Variants in PLAGL2 observed in about 807,000 individuals in gnomAD.
PLAGL2 encodes zinc finger protein PLAGL2.
In PLAGL2, 7 loss-of-function variants were observed where a neutral mutation model predicts 29.0. That is an observed-to-expected ratio of 0.24 (90% CI 0.14 to 0.45). The LOEUF is 0.45. PLAGL2 is among the 20% of genes least tolerant of loss of function. The pLI is 0.99. For synonymous variants in PLAGL2, 234 were observed against 266.0 expected (o/e 0.88, Z 1.17); for missense variants, 454 against 648.2 (o/e 0.70, Z 3.25).
rs2047297980 is a variant in PLAGL2, at chr20:32,207,717, C to T, written c.-191G>A. On this transcript the variant is annotated 5_prime_UTR_variant, in exon 1 of 3. Coordinates refer to ENST00000246229, the MANE Select transcript of PLAGL2 (RefSeq NM_002657.3). ...CCCCCTCAGGCCCCGGTAGTGGCGG[C>T]GGTCGGGCCATTGTGCGGTGCATTG... is the stretch of plus-strand genomic sequence containing the variant. 9.5e-6 allele frequency: 3 copies of T among 317,432 alleles called. No individual in the cohort carries two copies. The highest frequency in any genetic ancestry group is 1.5e-4 in the East Asian group (2 of 13,672). 19.7% of individuals were successfully genotyped at this position (317,432 alleles called of 1,614,324 possible).
chr20:32,200,595 CTTTTT>C (rs1226257403), intron 2 of PLAGL2, among the ~76,000 whole-genome samples: 1 of 150,212 alleles, frequency 6.7e-6, no homozygotes, highest in Admixed American at 6.6e-5. Flanking sequence ...CAAAATTGCT[CTTTTT>C]TGTTTTTTTT....
At position 32,197,628 on chromosome 20, in the gene PLAGL2, C is replaced by T; in HGVS notation, c.315G>A (p.Lys105=). 3.1e-6 allele frequency: 5 copies of T among 1,614,146 alleles called. No individual in the cohort carries two copies. The highest frequency in any genetic ancestry group is 3.4e-6 in the Non-Finnish European group (4 of 1,180,010). ...QKPHQCMYCD[K]MFHRKDHLRN... ...GCAGATGGTCCTTGCGGTGAAACAT[C>T]TTATCACAGTACATACACTGGTGGG... The change falls in exon 3 of 3, where the codon AAG becomes AAA. Residue 105 remains lysine (K), a synonymous_variant. Coordinates refer to ENST00000246229, the MANE Select transcript of PLAGL2 (RefSeq NM_002657.3). This position sits in a 1 kb window ranked among gnomAD's most constrained non-coding sequence, Gnocchi z 6.6.
rs867350895 is a variant in PLAGL2 at position 32,196,564 on chromosome 20, G to A, written c.1379C>T (p.Ser460Phe). ...GTTCAGTGGTCCCCCAGCTCCTGGG[G>A]AATCTTGAGGCTGAGCTTGCAAAGT... The part of the protein sequence containing the change: ...LTTLQAQPQD[S>F]PGAGGPLNFG... The change falls in exon 3 of 3, where the codon TCC becomes TTC. Residue 460 changes from serine to phenylalanine, a missense_variant. This residue lies in a region of PLAGL2 where 247 missense variants were observed against 350.3 expected (regional missense o/e 0.71). Coordinates refer to ENST00000246229, the MANE Select transcript of PLAGL2 (RefSeq NM_002657.3). The A allele has an allele frequency of 6.5e-7, 1 of 1,544,276 alleles. No homozygotes were observed. Among genetic ancestry groups the A allele is most frequent in the Middle Eastern group, 1.8e-4 (1 of 5,690 alleles).
At position 32,202,217 on chromosome 20, in the gene PLAGL2, C is replaced by T. The variant is rs377339681; in HGVS notation, c.-39G>A. 4 of 1,604,814 alleles carry T rather than the reference C, an allele frequency of 2.5e-6. No homozygotes were observed. The highest frequency in any genetic ancestry group is 1.3e-5 in the African/African-American group (1 of 74,774). On this transcript the variant is annotated 5_prime_UTR_variant, in exon 2 of 3. Coordinates refer to ENST00000246229, the MANE Select transcript of PLAGL2 (RefSeq NM_002657.3). ...GCAAAGGGCCATGTTATTGAGAAAG[C>T]CTCCCCATCCGCTCCACACAGGCTC...
In PLAGL2 at chr20:32,192,728, G is replaced by A. The variant is rs1391060476; in HGVS notation, c.*3724C>T. On this transcript the variant is annotated 3_prime_UTR_variant, in exon 3 of 3. Coordinates refer to ENST00000246229, the MANE Select transcript of PLAGL2 (RefSeq NM_002657.3). ...CAAAGTGCTAGAAGATTTCTGTCTT[G>A]TACTTTTCTCTTTAAATAATCTGGA... The A allele has an allele frequency of 2.0e-5, 3 of 152,622 alleles. No individual in the cohort carries two copies. The highest frequency in any genetic ancestry group is 4.8e-5 in the African/African-American group (2 of 41,432). 9.5% of individuals were successfully genotyped at this position (152,622 alleles called of 1,614,324 possible). A position where few individuals can be genotyped will look rare whatever the true frequency, so the allele number is the denominator to read the frequency against.
In PLAGL2 at chr20:32,193,162, G is replaced by A. The variant is rs997513445; in HGVS notation, c.*3290C>T. On this transcript the variant is annotated 3_prime_UTR_variant, in exon 3 of 3. Coordinates refer to ENST00000246229, the MANE Select transcript of PLAGL2 (RefSeq NM_002657.3). ...ATATTGATCCTGTACAATATAACCT[G>A]TTAAAAAAATCGTGCTTACAAACAG... 17 of 152,294 alleles carry A rather than the reference G, an allele frequency of 1.1e-4. No homozygotes were observed. The highest frequency in any genetic ancestry group is 4.1e-4 in the African/African-American group (17 of 41,408). 9.4% of individuals were successfully genotyped at this position (152,294 alleles called of 1,614,324 possible).
chr20:32,199,253 A>C (rs1291154087), intron 2 of PLAGL2, among the ~76,000 whole-genome samples: 1 of 152,172 alleles, frequency 6.6e-6, no homozygotes, highest in Non-Finnish European at 1.5e-5. Context: ...GAGGGTATCA[A>C]ACACACCCCC....
rs768542815 is a variant in PLAGL2 at position 32,196,780 on chromosome 20, G to A, written c.1163C>T (p.Ala388Val). The A allele has an allele frequency of 1.2e-5, 20 of 1,608,280 alleles. No individual in the cohort carries two copies. Among genetic ancestry groups the A allele is most frequent in the South Asian group, 3.3e-5 (3 of 90,170 alleles). ...QPASPQPAAA[A>V]ALLDEALLAK... ...AAGCAGTGCTTCATCTAGGAGGGCC[G>A]CAGCTGCCGCCGGCTGAGGTGAGGC... Residue 388 changes from alanine to valine, a missense_variant, in exon 3 of 3, where the codon GCG becomes GTG. Physicochemically the swap from Ala to Val is moderately conservative, Grantham distance 64 (BLOSUM62 0). Transcript: ENST00000246229.
chr20:32,201,166 A>G (rs1414714899), intron 2 of PLAGL2, among the ~76,000 whole-genome samples: 2 of 152,136 alleles, frequency 1.3e-5, no homozygotes, highest in African/African-American at 2.4e-5. Context: ...CTGAACCTCT[A>G]CTTTAAAATT....
chr20:32,204,736 A>C (rs746721226), intron 1 of PLAGL2, among the ~76,000 whole-genome samples: 6 of 152,254 alleles, frequency 3.9e-5, no homozygotes, highest in Non-Finnish European at 8.8e-5. Flanking sequence ...TTTGTCTTAC[A>C]TAAGCAGAAG....
At chr20:32,207,294 G>C (rs1036866995) in intron 1 of PLAGL2, among the ~76,000 whole-genome samples, 2 of 152,094 alleles carry the variant, frequency 1.3e-5, no homozygotes, top group Non-Finnish European at 2.9e-5. Flanking sequence ...CCCCAGACCC[G>C]GGTCCCTGGT....
At chr20:32,204,017 G>A (rs187300013) in intron 1 of PLAGL2, among the ~76,000 whole-genome samples, 20 of 152,268 alleles carry the variant, frequency 1.3e-4, no homozygotes, top group African/African-American at 1.9e-4. Flanking sequence ...GGCCTGTGAC[G>A]TCTGGCTTTC....
At chr20:32,199,229 A>C (rs556529262) in intron 2 of PLAGL2, among the ~76,000 whole-genome samples, 1 of 152,304 alleles carries the variant, frequency 6.6e-6, no homozygotes, top group African/African-American at 2.4e-5. Flanking sequence ...GCACTCTGTG[A>C]TCCTTTCTAC....
chr20:32,202,827 T>C (rs1030263586), intron 1 of PLAGL2, among the ~76,000 whole-genome samples: 5 of 152,204 alleles, frequency 3.3e-5, no homozygotes, highest in African/African-American at 1.2e-4. Flanking sequence ...GAAATTTACA[T>C]CCTAGTCAGT....
Position 32,195,592 on chromosome 20 carries a change from T to C in PLAGL2, c.*860A>G, listed in dbSNP as rs1600372443. ...TACCGCCGAGGCAGGCAGGAACAAATGCAGTCATGGAAGATGGCAGAGACT... is the reference window on the plus strand; with the variant it reads ...TACCGCCGAGGCAGGCAGGAACAAACGCAGTCATGGAAGATGGCAGAGACT... On this transcript the variant is annotated 3_prime_UTR_variant, in exon 3 of 3. Coordinates refer to ENST00000246229, the MANE Select transcript of PLAGL2 (RefSeq NM_002657.3). The C allele has an allele frequency of 6.5e-6, 1 of 152,766 alleles. No homozygotes were observed. The highest frequency in any genetic ancestry group is 2.1e-4 in the South Asian group (1 of 4,828). 9.5% of individuals were successfully genotyped at this position (152,766 alleles called of 1,614,324 possible).
In PLAGL2 at chr20:32,197,129, G is replaced by C; in HGVS notation, c.814C>G (p.Leu272Val). The C allele has an allele frequency of 1.9e-6, 3 of 1,614,204 alleles. No individual in the cohort carries two copies. Among genetic ancestry groups the C allele is most frequent in the Non-Finnish European group, 2.5e-6 (3 of 1,180,026 alleles). The change falls in exon 3 of 3, where the codon CTG (leucine) becomes GTG (valine). Residue 272 changes from leucine (L) to valine (V), a missense_variant. Coordinates refer to ENST00000246229, the MANE Select transcript of PLAGL2 (RefSeq NM_002657.3). This position sits in a 1 kb window ranked among gnomAD's most constrained non-coding sequence, Gnocchi z 6.6. ...GAGGCCATGCACAGCACAGGGCTCAGCTCTTCCTTCACACTGACTGTGGAG... is the reference window on the plus strand; with the variant it reads ...GAGGCCATGCACAGCACAGGGCTCACCTCTTCCTTCACACTGACTGTGGAG... Reference protein sequence around the residue: ...CSSTVSVKEELSPVLCMASRD... With the variant: ...CSSTVSVKEEVSPVLCMASRD...
chr20:32,204,812 C>T (rs1196791592), intron 1 of PLAGL2, among the ~76,000 whole-genome samples: 2 of 152,254 alleles, frequency 1.3e-5, no homozygotes, highest in African/African-American at 4.8e-5. Context: ...TCTTTCAAAG[C>T]TGCTCTTCTG....
At chr20:32,204,191 T>C (rs2047274182) in intron 1 of PLAGL2, among the ~76,000 whole-genome samples, 1 of 152,092 alleles carries the variant, frequency 6.6e-6, no homozygotes. Context: ...CCCCCTTCAA[T>C]TTGAAATCAT....
chr20:32,202,131 C>G lies in PLAGL2; in HGVS notation c.48G>C (p.Lys16Asn), dbSNP rs1437610388. ...TSVPPWIQDA[K>N]QEEEVGWKLV... is the part of the protein sequence containing the mutation. ...GTTTCCAGCCCACTTCCTCCTCCTG[C>G]TTTGCATCTTGAATCCAGGGGGGGA... Residue 16 changes from lysine (K) to asparagine (N), a missense_variant, in exon 2 of 3, where the codon AAG becomes AAC. Transcript: ENST00000246229. 1 of 1,614,236 alleles carries G rather than the reference C, an allele frequency of 6.2e-7. No homozygotes were observed.
Sources: allele counts gnomAD v4.1 joint callset (sites outside exome capture counted in the v4.1 genomes callset), GRCh38; gene constraint gnomAD v4.1.1; regional missense constraint gnomAD v4.1.1; non-coding constraint Gnocchi (gnomAD v3.1); transcripts MANE v1.5; gene names NCBI Gene and HGNC (gene_info 2026-07-23, HGNC 2026-07-21).